Variants in FAR2 observed in about 807,000 individuals in gnomAD.
FAR2 encodes the protein fatty acyl-CoA reductase 2, also known as epididymis secretory protein Li 81.
A neutral mutation model predicts 56.0 loss-of-function variants in FAR2; 19 were observed. The ratio of observed to expected loss-of-function variants is 0.34; its 90% CI spans 0.24 to 0.50. FAR2 has a LOEUF of 0.50. FAR2 is among the 20% of genes least tolerant of loss of function. FAR2 has a pLI of 0.98. For synonymous variants in FAR2, 219 were observed against 218.8 expected (o/e 1.00, Z -0.01); for missense variants, 508 against 642.2 (o/e 0.79, Z 2.26).
chr12:29,316,849 G>T lies in FAR2; in HGVS notation c.964G>T (p.Val322Phe). ...PCNWHKMGVQ[V>F]LATFEKIPFE... is the part of the protein sequence containing the mutation. ...CTTTCTTTTTTCCCCAGGAGTCCAAGTCTTGGCAACCTTTGAAAAAATCCC... is the reference window on the plus strand; with the variant it reads ...CTTTCTTTTTTCCCCAGGAGTCCAATTCTTGGCAACCTTTGAAAAAATCCC... The change falls in exon 9 of 12, where the codon GTC becomes TTC. Residue 322 changes from valine (V) to phenylalanine (F), a missense_variant. Val to Phe is a conservative substitution (Grantham distance 50). Transcript: ENST00000536681. The T allele has an allele frequency of 6.2e-7, 1 of 1,613,972 alleles. No individual in the cohort carries two copies. The highest frequency in any genetic ancestry group is 2.2e-5 in the East Asian group (1 of 44,874).
At chr12:29,312,355 A>C (rs776742473) in intron 8 of FAR2, among the ~76,000 whole-genome samples, 9 of 152,182 alleles carry the variant, frequency 5.9e-5, no homozygotes, top group Admixed American at 2.6e-4. Flanking sequence ...CCAATGAGAT[A>C]GAAAAGTTAG....
intron 1 of FAR2, among the ~76,000 whole-genome samples, chr12:29,166,518 C>T (rs995563023): frequency 1.4e-4 from 22 of 152,298 alleles, no homozygotes; most frequent in African/African-American, 4.8e-4. Flanking sequence ...TGCTGTTGCC[C>T]GTCACCTCCA....
chr12:29,211,658 C>T (rs1947550841), intron 1 of FAR2, among the ~76,000 whole-genome samples: 1 of 151,898 alleles, frequency 6.6e-6, no homozygotes, highest in Non-Finnish European at 1.5e-5. Flanking sequence ...GAATCAACTC[C>T]CTGTAACTTC....
intron 1 of FAR2, among the ~76,000 whole-genome samples, chr12:29,152,276 C>T (rs1212943619): frequency 2.0e-5 from 3 of 152,114 alleles, no homozygotes; most frequent in African/African-American, 4.8e-5. Flanking sequence ...TCTGTAAGTT[C>T]AAAAGTTTGA....
intron 1 of FAR2, among the ~76,000 whole-genome samples, chr12:29,262,990 T>G (rs1948448519): frequency 6.6e-6 from 1 of 152,042 alleles, no homozygotes; most frequent in East Asian, 1.9e-4. Flanking sequence ...AAAATAACAC[T>G]TATAGCTATA....
chr12:29,212,587 A>G (rs1306591193), intron 1 of FAR2, among the ~76,000 whole-genome samples: 2 of 152,106 alleles, frequency 1.3e-5, no homozygotes, highest in Non-Finnish European at 2.9e-5. Flanking sequence ...TCCAGCTTTG[A>G]ATTCTTGCCA....
intron 1 of FAR2, among the ~76,000 whole-genome samples, chr12:29,242,222 A>G (rs1948047961): frequency 6.6e-6 from 1 of 152,198 alleles, no homozygotes; most frequent in Non-Finnish European, 1.5e-5. Context: ...AAAATGACAA[A>G]TAAGGTGTAG....
In FAR2 at chr12:29,297,188, T is replaced by A. The variant is rs561670999; in HGVS notation, c.533T>A (p.Ile178Asn). The A allele has an allele frequency of 6.2e-7, 1 of 1,611,688 alleles. No homozygotes were observed. Among genetic ancestry groups the A allele is most frequent in the Admixed American group, 1.7e-5 (1 of 59,498 alleles). ...YPCPVEPKKI[I>N]DSLEWLDDAI... ...TGCCCTGTGGAGCCAAAAAAAATCATTGATTCCCTTGAGTAAGTTGGTCTA... is the reference window on the plus strand; with the variant it reads ...TGCCCTGTGGAGCCAAAAAAAATCAATGATTCCCTTGAGTAAGTTGGTCTA... Residue 178 changes from isoleucine (I) to asparagine (N), a missense_variant, in exon 4 of 12, where the codon ATT becomes AAT. By Grantham distance (149) the Ile-to-Asn change is moderately radical (BLOSUM62 -3). Transcript: ENST00000536681.
intron 1 of FAR2, among the ~76,000 whole-genome samples, chr12:29,231,169 A>C (rs1434349293): frequency 6.6e-6 from 1 of 152,154 alleles, no homozygotes; most frequent in African/African-American, 2.4e-5. Flanking sequence ...GATTGATAGG[A>C]GTAAGAGTGG....
chr12:29,243,803 A>G (rs1318053721), intron 1 of FAR2, among the ~76,000 whole-genome samples: 1 of 152,214 alleles, frequency 6.6e-6, no homozygotes, highest in African/African-American at 2.4e-5. Flanking sequence ...AGTCTTTAAC[A>G]TCATGTTGAG....
chr12:29,198,099 TG>T (rs1417109068), intron 1 of FAR2, among the ~76,000 whole-genome samples: 3 of 152,242 alleles, frequency 2.0e-5, no homozygotes, highest in Non-Finnish European at 4.4e-5. Context: ...AAATTTTTAA[TG>T]AGAAAAAAGA....
intron 1 of FAR2, among the ~76,000 whole-genome samples, chr12:29,196,461 A>G (rs12320760): frequency 0.03 from 4,492 of 152,154 alleles, 185 homozygotes; most frequent in African/African-American, 0.09. Flanking sequence ...ATTTTTTCAT[A>G]TGCTTGTTGG....
At chr12:29,251,041 G>T (rs901374958) in intron 1 of FAR2, among the ~76,000 whole-genome samples, 1 of 152,210 alleles carries the variant, frequency 6.6e-6, no homozygotes, top group Non-Finnish European at 1.5e-5. Flanking sequence ...GCAATCAGAA[G>T]AGTCTGACTT....
chr12:29,209,732 A>G lies in FAR2; in HGVS notation c.-39+60325A>G, dbSNP rs188662899. Among the ~76,000 whole-genome samples the G allele has an allele frequency of 3.1e-4, 45 of 144,566 alleles. 1 individual carries two copies. In the East Asian group the frequency reaches 7.7e-3, roughly 25 times the overall value. The allele number at this position is 144,566 out of a possible 152,430, so 94.8% of individuals were successfully genotyped here. Reference sequence around the variant, plus strand: ...TGTGTGTGTGTGTCTGTGTGTGTAAAAGAAAGAATAAAAGAATGCGTAAAA... The same window carrying G: ...TGTGTGTGTGTGTCTGTGTGTGTAAGAGAAAGAATAAAAGAATGCGTAAAA... On this transcript the variant is annotated intron_variant, in intron 1 of 11. Coordinates refer to ENST00000536681, the MANE Select transcript of FAR2 (RefSeq NM_001271783.2).
intron 1 of FAR2, among the ~76,000 whole-genome samples, chr12:29,243,123 A>G (rs888279047): frequency 2.6e-5 from 4 of 152,184 alleles, no homozygotes. Context: ...GGGAAGCTAT[A>G]AGCAGGCCAG....
intron 1 of FAR2, among the ~76,000 whole-genome samples, chr12:29,265,412 A>G (rs1948497463): frequency 6.6e-6 from 1 of 152,202 alleles, no homozygotes; most frequent in African/African-American, 2.4e-5. Flanking sequence ...AGGTGCCGAG[A>G]ACATACATTG....
In FAR2 at chr12:29,321,921, G is replaced by C. The variant is rs574837794; in HGVS notation, c.1254G>C (p.Gln418His). 1 of 1,612,130 alleles carries C rather than the reference G, an allele frequency of 6.2e-7. No homozygotes were observed. Among genetic ancestry groups the C allele is most frequent in the South Asian group, 1.1e-5 (1 of 90,794 alleles). Residue 418 changes from glutamine to histidine, a missense_variant, in exon 10 of 12, where the codon CAG (glutamine) becomes CAC (histidine). Gln to His is a conservative substitution (Grantham distance 24, BLOSUM62 0). Coordinates refer to ENST00000536681, the MANE Select transcript of FAR2 (RefSeq NM_001271783.2). ...MLMSELSPED[Q>H]RVFNFDVRQL... ...TGTCTGAGCTGAGTCCTGAAGACCAGAGAGTAAGTAGAGCACTGACTTAAG... is the reference window on the plus strand; with the variant it reads ...TGTCTGAGCTGAGTCCTGAAGACCACAGAGTAAGTAGAGCACTGACTTAAG...
chr12:29,218,893 A>G (rs1947653858), intron 1 of FAR2, among the ~76,000 whole-genome samples: 1 of 151,934 alleles, frequency 6.6e-6, no homozygotes, highest in Admixed American at 6.6e-5. Flanking sequence ...TTATTTATTT[A>G]TTTATTTATT....
intron 4 of FAR2, among the ~76,000 whole-genome samples, chr12:29,304,423 A>G (rs760481003): frequency 6.6e-6 from 1 of 152,220 alleles, no homozygotes; most frequent in Non-Finnish European, 1.5e-5. Context: ...ATAAGCAAAT[A>G]CAACTTGATA....
Sources: allele counts gnomAD v4.1 joint callset (sites outside exome capture counted in the v4.1 genomes callset), GRCh38; gene constraint gnomAD v4.1.1; transcripts MANE v1.5; gene names NCBI Gene and HGNC (gene_info 2026-07-23, HGNC 2026-07-21).